Variants in ADGRB3 observed in about 807,000 individuals in gnomAD.
The protein encoded by ADGRB3 is brain-specific angiogenesis inhibitor 3.
A neutral mutation model predicts 193.4 loss-of-function variants in ADGRB3; 37 were observed. The observed-to-expected ratio is 0.19, with a 90% CI of 0.15 to 0.25. The LOEUF (loss-of-function observed/expected upper bound fraction) is 0.25, where lower values mean the gene tolerates loss of function less well. ADGRB3 is among the 10% of genes least tolerant of loss of function. The pLI, the probability that ADGRB3 is intolerant of heterozygous loss-of-function variation, is 1.00. For missense variants in ADGRB3, 1,637 were observed against 1,852.9 expected (o/e 0.88, Z 2.14); for synonymous variants, 690 against 644.2 (o/e 1.07, Z -1.08).
At chr6:69,226,437 C>T (rs1186573805) in intron 17 of ADGRB3, among the ~76,000 whole-genome samples, 1 of 152,082 alleles carries the variant, frequency 6.6e-6, no homozygotes, top group African/African-American at 2.4e-5. Flanking sequence ...TCAGGTAATA[C>T]CAAAGTGAAC....
chr6:69,345,293 T>A (rs1769061052), intron 26 of ADGRB3, among the ~76,000 whole-genome samples: 1 of 152,070 alleles, frequency 6.6e-6, no homozygotes. Flanking sequence ...CATTTTGAGC[T>A]TGCTCAGAAG....
chr6:69,152,829 T>G (rs1774718504), intron 17 of ADGRB3, among the ~76,000 whole-genome samples: 1 of 152,202 alleles, frequency 6.6e-6, no homozygotes, highest in Non-Finnish European at 1.5e-5. Flanking sequence ...TTATGTATAT[T>G]TTTATGCTGT....
intron 8 of ADGRB3, among the ~76,000 whole-genome samples, chr6:68,963,699 C>T (rs1431170396): frequency 1.3e-5 from 2 of 152,122 alleles, no homozygotes; most frequent in African/African-American, 4.8e-5. Flanking sequence ...CTCTCTTATC[C>T]TCATCTGTTG....
chr6:69,265,755 G>T (rs899804296), intron 20 of ADGRB3, among the ~76,000 whole-genome samples: 3 of 151,916 alleles, frequency 2.0e-5, no homozygotes, highest in African/African-American at 7.2e-5. Context: ...TCCCCCAAAT[G>T]CTGTCTCTAC....
chr6:68,774,704 C>T (rs1766705047), intron 3 of ADGRB3, among the ~76,000 whole-genome samples: 1 of 151,680 alleles, frequency 6.6e-6, no homozygotes, highest in Non-Finnish European at 1.5e-5. Context: ...AAAAAACATC[C>T]AAAAGATTTG....
chr6:69,000,683 A>G (rs1999787), intron 11 of ADGRB3, among the ~76,000 whole-genome samples: 126,442 of 152,210 alleles, frequency 0.83, 52,798 homozygotes, highest in Middle Eastern at 0.9. Flanking sequence ...AAAAGGCAGA[A>G]CATCATCATG....
chr6:69,159,091 G>A (rs1469023992), intron 17 of ADGRB3, among the ~76,000 whole-genome samples: 1 of 151,938 alleles, frequency 6.6e-6, no homozygotes, highest in African/African-American at 2.4e-5. Context: ...GTTTCTAAAT[G>A]TCCTTTGGCT....
chr6:69,309,203 A>C (rs1290028549), intron 20 of ADGRB3, among the ~76,000 whole-genome samples: 2 of 151,740 alleles, frequency 1.3e-5, no homozygotes, highest in Non-Finnish European at 3.0e-5. Context: ...CATGTCAGAT[A>C]TTCCACTGGA....
chr6:69,082,158 A>G (rs1263083002), intron 17 of ADGRB3, among the ~76,000 whole-genome samples: 2 of 152,088 alleles, frequency 1.3e-5, no homozygotes, highest in African/African-American at 4.8e-5. Flanking sequence ...AACTCCTAAA[A>G]TATTTACTAT....
intron 17 of ADGRB3, among the ~76,000 whole-genome samples, chr6:69,218,031 A>G (rs1029493688): frequency 7.4e-5 from 11 of 148,330 alleles, no homozygotes; most frequent in Non-Finnish European, 3.0e-5. Flanking sequence ...ACATTAACAT[A>G]TTCTGGTGAA....
intron 13 of ADGRB3, among the ~76,000 whole-genome samples, chr6:69,024,278 GCTCTACTTAATATCAA>G (rs1410922517): frequency 1.3e-5 from 2 of 152,040 alleles, no homozygotes; most frequent in Non-Finnish European, 2.9e-5. Context: ...CAAATTGATC[GCTCTACTTAATATCAA>G]CTGCTAATAA....
intron 20 of ADGRB3, among the ~76,000 whole-genome samples, chr6:69,318,879 A>T (rs890656394): frequency 4.0e-5 from 6 of 148,972 alleles, no homozygotes; most frequent in Non-Finnish European, 7.5e-5. Flanking sequence ...ATATATATGT[A>T]TGTATAACTA....
chr6:68,683,321 G>T (rs1764928218), intron 3 of ADGRB3, among the ~76,000 whole-genome samples: 1 of 151,926 alleles, frequency 6.6e-6, no homozygotes, highest in South Asian at 2.1e-4. Flanking sequence ...TAGAAACTAA[G>T]CACCCAAACA....
chr6:69,232,950 T>C (rs1766176032), intron 17 of ADGRB3: 1 of 444,296 alleles, frequency 2.3e-6, no homozygotes, highest in Non-Finnish European at 4.0e-6. Flanking sequence ...CCGATGAGCA[T>C]AGGAAGTGGC....
intron 10 of ADGRB3, among the ~76,000 whole-genome samples, chr6:68,978,331 CATAG>C (rs1265137147): frequency 1.8e-5 from 2 of 108,918 alleles, no homozygotes. Flanking sequence ...TAGATAGATA[CATAG>C]ATAGATAGGT....
At chr6:68,855,762 T>C (rs944403889) in intron 3 of ADGRB3, among the ~76,000 whole-genome samples, 2 of 152,172 alleles carry the variant, frequency 1.3e-5, no homozygotes, top group Non-Finnish European at 2.9e-5. Flanking sequence ...CTCATGCCTG[T>C]AATCCTAGCA....
intron 3 of ADGRB3, among the ~76,000 whole-genome samples, chr6:68,751,436 C>T (rs1766196783): frequency 6.6e-6 from 1 of 152,120 alleles, no homozygotes; most frequent in Non-Finnish European, 1.5e-5. Flanking sequence ...TTCCCAGTCA[C>T]AGTTCAGTCT....
At chr6:69,069,805 A>G (rs1401891259) in intron 16 of ADGRB3, among the ~76,000 whole-genome samples, 1 of 151,614 alleles carries the variant, frequency 6.6e-6, no homozygotes, top group Non-Finnish European at 1.5e-5. Flanking sequence ...TCTTTTGCAG[A>G]TCCAGTTAGG....
At chr6:68,839,214 T>G (rs1768103723) in intron 3 of ADGRB3, among the ~76,000 whole-genome samples, 1 of 152,154 alleles carries the variant, frequency 6.6e-6, no homozygotes, top group Non-Finnish European at 1.5e-5. Flanking sequence ...AGATATCTTT[T>G]CTGTCATCTT....
Sources: allele counts gnomAD v4.1 joint callset (sites outside exome capture counted in the v4.1 genomes callset), GRCh38; gene constraint gnomAD v4.1.1; transcripts MANE v1.5; gene names NCBI Gene and HGNC (gene_info 2026-07-23, HGNC 2026-07-21).